ADGRB3: variants seen among roughly 807,000 people sequenced by gnomAD.
The protein encoded by ADGRB3 is adhesion G protein-coupled receptor B3.
A neutral mutation model predicts 193.4 loss-of-function variants in ADGRB3; 37 were observed. The ratio of observed to expected loss-of-function variants is 0.19; its 90% CI spans 0.15 to 0.25. The LOEUF (loss-of-function observed/expected upper bound fraction) is 0.25. Among genes scored for constraint, ADGRB3 ranks in the 10% least tolerant of loss-of-function variants. The pLI is 1.00. For missense variants in ADGRB3, 1,637 were observed against 1,852.9 expected, an observed-to-expected ratio of 0.88 and a Z score of 2.14; for synonymous variants, 690 against 644.2, an observed-to-expected ratio of 1.07 and a Z score of -1.08.
chr6:69,032,242 C>A (rs1271492484), intron 13 of ADGRB3, among the ~76,000 whole-genome samples: 1 of 152,166 alleles, frequency 6.6e-6, no homozygotes, highest in Non-Finnish European at 1.5e-5. Flanking sequence ...CCTTCAAAAT[C>A]TGGTAGAGTC....
chr6:69,025,034 G>A (rs1205687222), intron 13 of ADGRB3, among the ~76,000 whole-genome samples: 1 of 151,368 alleles, frequency 6.6e-6, no homozygotes. Context: ...TGAGCTTGCA[G>A]TGAGCCGAGA....
intron 17 of ADGRB3, among the ~76,000 whole-genome samples, chr6:69,198,267 G>A (rs1765342168): frequency 6.6e-6 from 1 of 151,980 alleles, no homozygotes; most frequent in Non-Finnish European, 1.5e-5. Flanking sequence ...AGAAAAACTA[G>A]GCACTCAAGA....
chr6:69,303,065 A>G (rs1767981324), intron 20 of ADGRB3, among the ~76,000 whole-genome samples: 1 of 151,990 alleles, frequency 6.6e-6, no homozygotes, highest in South Asian at 2.1e-4. Flanking sequence ...AAGCAGTGCC[A>G]GAAAACAAAT....
intron 17 of ADGRB3, among the ~76,000 whole-genome samples, chr6:69,190,600 ATT>A (rs1219180427): frequency 2.6e-5 from 4 of 152,060 alleles, no homozygotes; most frequent in Non-Finnish European, 5.9e-5. Context: ...AAGAAAGAAA[ATT>A]ATTTTTCATA....
intron 17 of ADGRB3, among the ~76,000 whole-genome samples, chr6:69,225,385 A>C (rs74410513): frequency 2.0e-3 from 305 of 152,292 alleles, no homozygotes; most frequent in African/African-American, 6.9e-3. Flanking sequence ...GATATTAATT[A>C]CTAGTTTTCT....
chr6:69,388,624 CG>C, intron 31 of ADGRB3, 78 bp from the exon 32 acceptor site: 3 of 1,336,162 alleles, frequency 2.2e-6, no homozygotes, highest in Middle Eastern at 1.9e-4. Context: ...ATTACAAACA[CG>C]CTCTCTTCCT....
At chr6:69,097,994 TA>T (rs1263080813) in intron 17 of ADGRB3, among the ~76,000 whole-genome samples, 1 of 152,218 alleles carries the variant, frequency 6.6e-6, no homozygotes, top group Non-Finnish European at 1.5e-5. Flanking sequence ...ATAATTTAGG[TA>T]AAAAATAGGT....
intron 3 of ADGRB3, among the ~76,000 whole-genome samples, chr6:68,676,393 A>C (rs1379778890): frequency 6.7e-6 from 1 of 150,310 alleles, no homozygotes; most frequent in African/African-American, 2.4e-5. Flanking sequence ...CTGTCTCAAA[A>C]AAAAAAAAAA....
intron 10 of ADGRB3, among the ~76,000 whole-genome samples, chr6:68,976,591 A>G (rs1026312942): frequency 1.3e-5 from 2 of 152,226 alleles, no homozygotes; most frequent in African/African-American, 4.8e-5. Flanking sequence ...CATATTCCAT[A>G]TGTTACATAT....
At chr6:69,081,114 AG>A (rs761352449) in intron 17 of ADGRB3, among the ~76,000 whole-genome samples, 93 of 152,178 alleles carry the variant, frequency 6.1e-4, no homozygotes, top group Non-Finnish European at 7.8e-4. Flanking sequence ...GCAGAACTGC[AG>A]AAGCAGATAA....
rs534750167 is a variant in ADGRB3 at position 69,122,173 on chromosome 6, G to A, written c.2480+46135G>A. ...CAGCCTGGGCAACAGTGAGCATTGGGTGGGCGAGACTCCGTCTGCAATCCC... is the reference window on the plus strand; with the variant it reads ...CAGCCTGGGCAACAGTGAGCATTGGATGGGCGAGACTCCGTCTGCAATCCC... On this transcript the variant is annotated intron_variant, in intron 17 of 31. Transcript: ENST00000370598. 1.0e-3 allele frequency among the ~76,000 whole-genome samples: 155 copies of A among 152,064 alleles called. 1 individual carries two copies. The highest frequency in any genetic ancestry group is 3.7e-3 in the African/African-American group (152 of 41,488).
chr6:68,975,673 T>C (rs1175300025), intron 10 of ADGRB3, among the ~76,000 whole-genome samples: 5 of 152,224 alleles, frequency 3.3e-5, no homozygotes, highest in Admixed American at 3.3e-4. Flanking sequence ...TAAATACTTA[T>C]TTTAAAATAT....
intron 3 of ADGRB3, among the ~76,000 whole-genome samples, chr6:68,672,709 T>C (rs972967866): frequency 2.6e-5 from 4 of 152,102 alleles, no homozygotes; most frequent in African/African-American, 9.7e-5. Context: ...TAGTACATGG[T>C]ACCCAGGTTT....
chr6:68,780,993 T>A lies in ADGRB3; in HGVS notation c.757+141561T>A, dbSNP rs553539358. ...TATCTCAAGTCAGAACTAAAAATATTACTTGAAAATTGGATGTCTTAAGCG... is the reference window on the plus strand; with the variant it reads ...TATCTCAAGTCAGAACTAAAAATATAACTTGAAAATTGGATGTCTTAAGCG... On this transcript the variant is annotated intron_variant, in intron 3 of 31. Coordinates refer to ENST00000370598, the MANE Select transcript of ADGRB3 (RefSeq NM_001704.3). 5.9e-5 allele frequency among the ~76,000 whole-genome samples: 9 copies of A among 152,288 alleles called. No individual in the cohort carries two copies. The East Asian group carries it at 1.7e-3, about 29-fold the overall frequency.
intron 3 of ADGRB3, among the ~76,000 whole-genome samples, chr6:68,790,240 G>T (rs950204136): frequency 2.6e-5 from 4 of 151,976 alleles, no homozygotes; most frequent in African/African-American, 9.7e-5. Context: ...AGATCAAACT[G>T]CAAGGCAGCA....
At chr6:68,969,733 A>G (rs1000734994) in intron 8 of ADGRB3, among the ~76,000 whole-genome samples, 3 of 152,112 alleles carry the variant, frequency 2.0e-5, no homozygotes, top group Non-Finnish European at 4.4e-5. Context: ...TACCTCTTCA[A>G]TTTACCTTGT....
intron 3 of ADGRB3, among the ~76,000 whole-genome samples, chr6:68,767,804 C>G (rs1005883259): frequency 9.9e-5 from 15 of 152,062 alleles, no homozygotes; most frequent in Non-Finnish European, 2.2e-4. Context: ...TCGTCTCAGC[C>G]CCAAGTCTCC....
At chr6:69,369,923 T>C (rs1769671299) in intron 29 of ADGRB3, among the ~76,000 whole-genome samples, 1 of 152,180 alleles carries the variant, frequency 6.6e-6, no homozygotes, top group Non-Finnish European at 1.5e-5. Context: ...GACCTTGCTT[T>C]ATGCTTAGAA....
intron 13 of ADGRB3, among the ~76,000 whole-genome samples, chr6:69,027,709 G>T (rs961272544): frequency 6.6e-6 from 1 of 152,118 alleles, no homozygotes; most frequent in African/African-American, 2.4e-5. Flanking sequence ...TACTCAGGTG[G>T]GAGAACAGAG....
Sources: allele counts gnomAD v4.1 joint callset (sites outside exome capture counted in the v4.1 genomes callset), GRCh38; gene constraint gnomAD v4.1.1; transcripts MANE v1.5; gene names NCBI Gene and HGNC (gene_info 2026-07-23, HGNC 2026-07-21).